Variants in EIF4G3 observed in about 807,000 individuals in gnomAD.
EIF4G3 encodes the protein eukaryotic translation initiation factor 4 gamma 3.
A neutral mutation model predicts 186.4 loss-of-function variants in EIF4G3; 34 were observed. That is an observed-to-expected ratio of 0.18 (90% CI 0.14 to 0.24). The LOEUF is 0.24. Among genes scored for constraint, EIF4G3 ranks in the 10% least tolerant of loss-of-function variants. EIF4G3 has a pLI of 1.00. For synonymous variants in EIF4G3, 673 were observed against 679.5 expected (o/e 0.99, Z 0.15); for missense variants, 1,536 against 1,948.5 (o/e 0.79, Z 3.99).
At chr1:20,883,018 G>C (rs1190858482) in intron 19 of EIF4G3, among the ~76,000 whole-genome samples, 1 of 151,730 alleles carries the variant, frequency 6.6e-6, no homozygotes, top group African/African-American at 2.4e-5. Flanking sequence ...GCAGGTCAAG[G>C]CTACAGTGAG....
chr1:20,855,134 AT>A, intron 25 of EIF4G3, 63 bp from the exon 26 acceptor site: 2 of 1,358,486 alleles, frequency 1.5e-6, no homozygotes, highest in Admixed American at 2.3e-5. Flanking sequence ...TTTTTCTTTT[AT>A]TTTTTTCTTC....
intron 3 of EIF4G3, among the ~76,000 whole-genome samples, chr1:21,058,401 T>C (rs912860961): frequency 2.6e-5 from 4 of 152,208 alleles, no homozygotes; most frequent in African/African-American, 9.6e-5. Context: ...CATGAAATTG[T>C]CCTGACTTCC....
At chr1:20,985,019 C>T (rs1453133416) in intron 7 of EIF4G3, among the ~76,000 whole-genome samples, 1 of 152,144 alleles carries the variant, frequency 6.6e-6, no homozygotes, top group Non-Finnish European at 1.5e-5. Context: ...CCATCTGTAA[C>T]TAAAACACAG....
At chr1:21,072,010 A>C (rs1302568027) in intron 3 of EIF4G3, among the ~76,000 whole-genome samples, 1 of 152,232 alleles carries the variant, frequency 6.6e-6, no homozygotes, top group Admixed American at 6.5e-5. Context: ...TGGGATTATT[A>C]AAAATGAACA....
chr1:21,149,162 AC>A (rs796346617), intron 2 of EIF4G3, among the ~76,000 whole-genome samples: 45 of 152,298 alleles, frequency 3.0e-4, no homozygotes, highest in African/African-American at 1.0e-3. Flanking sequence ...ATACAAAGTT[AC>A]ATTTACAGTA....
chr1:20,948,733 G>T (rs929910790), intron 13 of EIF4G3, among the ~76,000 whole-genome samples: 2 of 151,800 alleles, frequency 1.3e-5, no homozygotes, highest in Non-Finnish European at 2.9e-5. Context: ...TTTAGTCCGG[G>T]CATGGTGCCT....
At chr1:20,824,891 G>A (rs2063220940) in intron 33 of EIF4G3, among the ~76,000 whole-genome samples, 1 of 152,064 alleles carries the variant, frequency 6.6e-6, no homozygotes, top group South Asian at 2.1e-4. Flanking sequence ...AGGTTGCTAA[G>A]TCTTTTACAT....
intron 3 of EIF4G3, among the ~76,000 whole-genome samples, chr1:21,055,973 T>C (rs1200370539): frequency 6.6e-6 from 1 of 152,142 alleles, no homozygotes; most frequent in African/African-American, 2.4e-5. Context: ...TTAGTATCCA[T>C]TGGTTTGTCA....
chr1:21,124,901 T>C (rs902580672), intron 2 of EIF4G3, among the ~76,000 whole-genome samples: 8 of 152,188 alleles, frequency 5.3e-5, no homozygotes, highest in African/African-American at 1.9e-4. Context: ...AATTTTCTGT[T>C]ACCACAGTGC....
At position 21,001,253 on chromosome 1, in the gene EIF4G3, T is replaced by A. The variant is rs575785306; in HGVS notation, c.90A>T (p.Glu30Asp). ...TDNWKRRKVLEQTPVYRSLAG... is the reference protein window; with the variant it reads ...TDNWKRRKVLDQTPVYRSLAG... ...CCAAGGACCTGTAAACGGGAGTCTG[T>A]TCCAAAACCTTCCTCCTCTTCCAGT... is the stretch of plus-strand genomic sequence containing the variant. Residue 30 changes from glutamate to aspartate, a missense_variant, in exon 6 of 37, where the codon GAA becomes GAT. Physicochemically the swap from Glu to Asp is conservative, Grantham distance 45 (BLOSUM62 2). This residue lies in a region of EIF4G3 where 194 missense variants were observed against 212.8 expected (regional missense o/e 0.91). Transcript: ENST00000602326. 5 of 471,560 alleles carry A rather than the reference T, an allele frequency of 1.1e-5. No homozygotes were observed. Among genetic ancestry groups the A allele is most frequent in the East Asian group, 1.4e-4 (2 of 14,406 alleles). 29.2% of individuals were successfully genotyped at this position (471,560 alleles called of 1,614,324 possible). A position where few individuals can be genotyped will look rare whatever the true frequency, so the allele number is the denominator to read the frequency against.
chr1:21,143,415 C>T (rs1030029655), intron 2 of EIF4G3, among the ~76,000 whole-genome samples: 4 of 151,808 alleles, frequency 2.6e-5, no homozygotes, highest in Non-Finnish European at 5.9e-5. Flanking sequence ...AAAAGGATAA[C>T]TAAGAAAGAA....
chr1:21,022,457 T>C (rs1035197969), intron 4 of EIF4G3, among the ~76,000 whole-genome samples: 2 of 152,156 alleles, frequency 1.3e-5, no homozygotes, highest in African/African-American at 4.8e-5. Flanking sequence ...ATGAGACAGG[T>C]TCAGAAAACA....
chr1:21,093,915 G>C (rs879022533), intron 2 of EIF4G3, among the ~76,000 whole-genome samples: 1 of 151,994 alleles, frequency 6.6e-6, no homozygotes, highest in East Asian at 1.9e-4. Flanking sequence ...GAGAACACTT[G>C]GACACAGGAA....
At chr1:20,905,364 A>G (rs2091764902) in intron 14 of EIF4G3, among the ~76,000 whole-genome samples, 1 of 152,232 alleles carries the variant, frequency 6.6e-6, no homozygotes, top group South Asian at 2.1e-4. Flanking sequence ...ACTCAGCTAT[A>G]AAGTATAAGA....
At chr1:20,952,396 C>T (rs1354505538) in intron 12 of EIF4G3, among the ~76,000 whole-genome samples, 1 of 152,024 alleles carries the variant, frequency 6.6e-6, no homozygotes, top group Non-Finnish European at 1.5e-5. Context: ...CCTTGTGATC[C>T]GCCTACCTTG....
At chr1:20,860,635 C>A in intron 23 of EIF4G3, 118 bp from the exon 24 acceptor site, 4 of 1,133,626 alleles carry the variant, frequency 3.5e-6, no homozygotes, top group Non-Finnish European at 4.9e-6. Flanking sequence ...TGTATTATGG[C>A]AGTTTCTCAT....
intron 3 of EIF4G3, among the ~76,000 whole-genome samples, chr1:21,052,284 A>G (rs2094265054): frequency 6.6e-6 from 1 of 152,172 alleles, no homozygotes. Flanking sequence ...TCATACACTA[A>G]TGCAGACTTA....
chr1:20,914,233 C>T (rs1369400332), intron 14 of EIF4G3, among the ~76,000 whole-genome samples: 1 of 151,940 alleles, frequency 6.6e-6, no homozygotes, highest in Non-Finnish European at 1.5e-5. Flanking sequence ...TGCTTTTAAC[C>T]TTGTGAATAC....
rs147079740 is a variant in EIF4G3 at position 20,812,369 on chromosome 1, A to G, written c.4597+789T>C. On this transcript the variant is annotated intron_variant, in intron 35 of 36. Transcript: ENST00000602326. ...AAAATGATTTTTAAAAATTTCATGA[A>G]GACTTTCTACTTAGCTTTGTTATTT... is the stretch of plus-strand genomic sequence containing the variant. Among the ~76,000 whole-genome samples the G allele has an allele frequency of 1.9e-3, 297 of 152,362 alleles. 3 individuals carry two copies. Among genetic ancestry groups the G allele is most frequent in the African/African-American group, 6.8e-3 (283 of 41,588 alleles).
Sources: gnomAD v4.1 joint callset for allele counts (sites outside exome capture counted in the v4.1 genomes callset) on GRCh38, gnomAD v4.1.1 for gene constraint, gnomAD v4.1.1 regional missense constraint, MANE v1.5 for transcripts, NCBI Gene and HGNC (gene_info 2026-07-23, HGNC 2026-07-21) for gene names.